The following ATRN variants were observed in gnomAD, a reference collection of about 807,000 sequenced individuals.
ATRN encodes the protein attractin-2.
ATRN carries 54 observed loss-of-function variants against 178.7 expected under a neutral mutation model. The ratio of observed to expected loss-of-function variants is 0.30; its 90% CI spans 0.24 to 0.38. The LOEUF (loss-of-function observed/expected upper bound fraction) is 0.38, where lower values mean the gene tolerates loss of function less well. Ranked by LOEUF, ATRN falls within the 10% of genes least tolerant of loss-of-function variation. The pLI is 1.00. For synonymous variants in ATRN, 636 were observed against 663.0 expected (o/e 0.96, Z 0.63); for missense variants, 1,443 against 1,815.1 (o/e 0.79, Z 3.73).
At chr20:3,578,912 G>A (rs369701718) in intron 15 of ATRN, 140 bp downstream of exon 15, 1 of 701,016 alleles carries the variant, frequency 1.4e-6, no homozygotes. Flanking sequence ...GCAGCCTGAG[G>A]GACTGTGGGT....
chr20:3,628,382 A>G (rs1424547663), intron 25 of ATRN, among the ~76,000 whole-genome samples: 1 of 152,248 alleles, frequency 6.6e-6, no homozygotes, highest in Non-Finnish European at 1.5e-5. Flanking sequence ...GGAACAAGAC[A>G]GAGATCCACT....
chr20:3,564,572 TAATC>T lies in ATRN; in HGVS notation c.1787-771_1787-768del, dbSNP rs375081692. ...AGTATGGGTCACAACAAGGGAAAATTAATCAATCTATGGGATCTAGGAAAGGACT... is the reference window on the plus strand; with the variant it reads ...AGTATGGGTCACAACAAGGGAAAATTAATCTATGGGATCTAGGAAAGGACT... On this transcript the variant is annotated intron_variant, in intron 10 of 28. Coordinates refer to ENST00000262919, the MANE Select transcript of ATRN (RefSeq NM_139321.3). Among the ~76,000 whole-genome samples, 910 of 152,294 alleles carry T rather than the reference TAATC, an allele frequency of 6.0e-3. 13 individuals are homozygous for T. The highest frequency in any genetic ancestry group is 0.02 in the African/African-American group (841 of 41,564).
At position 3,613,033 on chromosome 20, in the gene ATRN, T is replaced by C. The variant is rs997636141; in HGVS notation, c.3801+8771T>C. Among the ~76,000 whole-genome samples, 25 of 152,180 alleles carry C rather than the reference T, an allele frequency of 1.6e-4. 1 individual carries two copies. Among genetic ancestry groups the C allele is most frequent in the Admixed American group, 1.6e-3 (25 of 15,280 alleles). On this transcript the variant is annotated intron_variant, in intron 24 of 28. Transcript: ENST00000262919. Reference sequence around the variant, plus strand: ...TTCTAGAGGGAGCTCTTCCCCACACTTACTTCTAAGAAGTAATAATTTTAA... The same window carrying C: ...TTCTAGAGGGAGCTCTTCCCCACACCTACTTCTAAGAAGTAATAATTTTAA...
At chr20:3,481,791 CTTTTTT>C (rs780144563) in intron 1 of ATRN, among the ~76,000 whole-genome samples, 5 of 100,522 alleles carry the variant, frequency 5.0e-5, no homozygotes, top group African/African-American at 1.9e-4. Flanking sequence ...GGTGAATTTC[CTTTTTT>C]TTTTTTTTTT....
chr20:3,533,992 G>T (rs964109466), intron 1 of ATRN, among the ~76,000 whole-genome samples: 5 of 152,128 alleles, frequency 3.3e-5, no homozygotes, highest in Non-Finnish European at 7.3e-5. Flanking sequence ...TTTCTAATCA[G>T]TCAGTGGCAA....
At chr20:3,522,616 A>G (rs1189669577) in intron 1 of ATRN, among the ~76,000 whole-genome samples, 1 of 152,220 alleles carries the variant, frequency 6.6e-6, no homozygotes, top group African/African-American at 2.4e-5. Flanking sequence ...GTGCCTCCTG[A>G]CTAGGAGACA....
chr20:3,529,021 T>G (rs1354535262), intron 1 of ATRN, among the ~76,000 whole-genome samples: 1 of 151,892 alleles, frequency 6.6e-6, no homozygotes, highest in African/African-American at 2.4e-5. Context: ...ACTATGTTGC[T>G]TAGGCTGGTC....
chr20:3,585,504 A>G lies in ATRN; in HGVS notation c.3184+624A>G, dbSNP rs1438983360. ...AACACCAGGAACCAATTTTTTGTCT[A>G]CTAAACTGGATCAAATTTTCCGTGT... On this transcript the variant is annotated intron_variant, in intron 18 of 28. Transcript: ENST00000262919. Among the ~76,000 whole-genome samples the G allele has an allele frequency of 2.0e-5, 3 of 152,334 alleles. No homozygotes were observed. The East Asian group carries it at 5.8e-4, about 29-fold the overall frequency.
At chr20:3,549,119 G>A (rs965180330) in intron 5 of ATRN, 51 bp from the exon 6 acceptor site, 63 of 1,440,534 alleles carry the variant, frequency 4.4e-5, no homozygotes, top group Non-Finnish European at 5.5e-5. Flanking sequence ...TTGAAATGCA[G>A]TAAGCTTTAA....
chr20:3,619,616 A>T (rs574574252), intron 24 of ATRN, among the ~76,000 whole-genome samples: 1 of 152,344 alleles, frequency 6.6e-6, no homozygotes, highest in Non-Finnish European at 1.5e-5. Flanking sequence ...AGCATTTGTT[A>T]TGTGGTAGTG....
intron 16 of ATRN, 150 bp from the exon 17 acceptor site, chr20:3,583,748 C>G: frequency 5.6e-6 from 4 of 710,648 alleles, no homozygotes; most frequent in Non-Finnish European, 9.2e-6. Context: ...GCGGAGGTTG[C>G]AGTGAGCCGA....
At chr20:3,605,670 C>T (rs1239694805) in intron 24 of ATRN, among the ~76,000 whole-genome samples, 2 of 152,138 alleles carry the variant, frequency 1.3e-5, no homozygotes, top group Non-Finnish European at 2.9e-5. Context: ...AAACCAGGTA[C>T]CACATGTTCT....
intron 10 of ATRN, among the ~76,000 whole-genome samples, chr20:3,564,304 G>T (rs1425380660): frequency 6.6e-6 from 1 of 152,218 alleles, no homozygotes; most frequent in Non-Finnish European, 1.5e-5. Flanking sequence ...GTCATGGAGG[G>T]TAGAGTGATA....
chr20:3,571,053 AG>A (rs1323964801), intron 11 of ATRN, among the ~76,000 whole-genome samples: 1 of 152,202 alleles, frequency 6.6e-6, no homozygotes, highest in African/African-American at 2.4e-5. Flanking sequence ...CCCACATAGC[AG>A]TATATACTGG....
chr20:3,592,982 G>A (rs2086472236), intron 19 of ATRN, among the ~76,000 whole-genome samples: 1 of 152,202 alleles, frequency 6.6e-6, no homozygotes, highest in East Asian at 1.9e-4. Context: ...AGTAACCAGA[G>A]TACCTAACAG....
intron 23 of ATRN, among the ~76,000 whole-genome samples, chr20:3,601,709 A>G (rs1268304103): frequency 6.6e-6 from 1 of 151,010 alleles, no homozygotes; most frequent in Non-Finnish European, 1.5e-5. Flanking sequence ...AAAAAAAAAA[A>G]AAAAAAAACC....
intron 18 of ATRN, among the ~76,000 whole-genome samples, chr20:3,590,523 C>T (rs2086426269): frequency 6.6e-6 from 1 of 152,140 alleles, no homozygotes; most frequent in South Asian, 2.1e-4. Context: ...TTGTAAAGCC[C>T]TATATCCATT....
At chr20:3,534,546 A>G (rs2146178077) in intron 1 of ATRN, among the ~76,000 whole-genome samples, 1 of 152,312 alleles carries the variant, frequency 6.6e-6, no homozygotes, top group Non-Finnish European at 1.5e-5. Context: ...TCAGAAGGTA[A>G]GGGAGGCAGA....
At chr20:3,589,636 T>C (rs1007263554) in intron 18 of ATRN, among the ~76,000 whole-genome samples, 1 of 152,198 alleles carries the variant, frequency 6.6e-6, no homozygotes, top group African/African-American at 2.4e-5. Flanking sequence ...GGTTAATTTG[T>C]ATTAATAACT....
Sources: allele counts gnomAD v4.1 joint callset (sites outside exome capture counted in the v4.1 genomes callset), GRCh38; gene constraint gnomAD v4.1.1; transcripts MANE v1.5; gene names NCBI Gene and HGNC (gene_info 2026-07-23, HGNC 2026-07-21).